PHACTR3: variants seen among roughly 807,000 people sequenced by gnomAD.
PHACTR3 encodes the protein protein phosphatase 1, regulatory subunit 123.
PHACTR3 carries 16 observed loss-of-function variants against 66.8 expected under a neutral mutation model. The observed-to-expected ratio is 0.24, with a 90% CI of 0.16 to 0.36. The LOEUF (loss-of-function observed/expected upper bound fraction) is 0.36. Ranked by LOEUF, PHACTR3 falls within the 10% of genes least tolerant of loss-of-function variation. The pLI, the probability that PHACTR3 is intolerant of heterozygous loss-of-function variation, is 1.00. For synonymous variants in PHACTR3, 323 were observed against 292.1 expected, an observed-to-expected ratio of 1.11 and a Z score of -1.08; for missense variants, 647 against 719.9, an observed-to-expected ratio of 0.90 and a Z score of 1.16.
chr20:59,836,254 C>A, intron 8 of PHACTR3: 1 of 466,632 alleles, frequency 2.1e-6, no homozygotes, highest in South Asian at 3.2e-5. Context: ...AAAATGAAGA[C>A]CTGCACATGT....
intron 1 of PHACTR3, among the ~76,000 whole-genome samples, chr20:59,724,636 A>G (rs558994685): frequency 2.0e-5 from 3 of 152,236 alleles, no homozygotes; most frequent in Non-Finnish European, 4.4e-5. Context: ...CCGTCACCCA[A>G]TGCTGTGTGA....
intron 1 of PHACTR3, among the ~76,000 whole-genome samples, chr20:59,678,929 C>T (rs2036546777): frequency 7.2e-6 from 1 of 138,964 alleles, no homozygotes; most frequent in Non-Finnish European, 1.5e-5. Context: ...TGCAGCCCCA[C>T]TGGCAGAGTT....
At chr20:59,756,516 C>A (rs1272236489) in intron 4 of PHACTR3, among the ~76,000 whole-genome samples, 1 of 152,160 alleles carries the variant, frequency 6.6e-6, no homozygotes, top group Non-Finnish European at 1.5e-5. Flanking sequence ...CATGCTCAGC[C>A]CTCTTCGGGG....
chr20:59,709,228 A>G (rs1043242201), intron 1 of PHACTR3, among the ~76,000 whole-genome samples: 2 of 152,216 alleles, frequency 1.3e-5, no homozygotes, highest in African/African-American at 4.8e-5. Flanking sequence ...ATCTGCCAAA[A>G]CACACCTACA....
rs554422915 is a variant in PHACTR3 at position 59,751,658 on chromosome 20, G to T, written c.359-3524G>T. On this transcript the variant is annotated intron_variant, in intron 3 of 12. Transcript: ENST00000371015. ...GGTGTTACTTTATGATCGATGGTCT[G>T]TTTTATGAACCACTGTGACCCCCTC... 1.1e-3 allele frequency among the ~76,000 whole-genome samples: 166 copies of T among 152,194 alleles called. 1 individual carries two copies. The highest frequency in any genetic ancestry group is 1.9e-3 in the South Asian group (9 of 4,818).
intron 1 of PHACTR3, among the ~76,000 whole-genome samples, chr20:59,632,561 A>G (rs776610961): frequency 6.6e-6 from 1 of 152,150 alleles, no homozygotes; most frequent in Admixed American, 6.5e-5. Context: ...AGCAAAGACA[A>G]TTTTGAAGGT....
chr20:59,635,105 T>TTCTTTCTCTC (rs2034804889), intron 1 of PHACTR3, among the ~76,000 whole-genome samples: 2 of 52,912 alleles, frequency 3.8e-5, no homozygotes, highest in African/African-American at 1.4e-4. Context: ...TTCTCTCTCT[T>TTCTTTCTCTC]TCTTTCTTTC....
intron 7 of PHACTR3, among the ~76,000 whole-genome samples, chr20:59,782,980 C>T (rs2040777384): frequency 6.6e-6 from 1 of 152,140 alleles, no homozygotes; most frequent in Admixed American, 6.5e-5. Flanking sequence ...GATCCTTTCC[C>T]CAGTAGACAT....
At chr20:59,844,156 A>T (rs1568880272) in intron 11 of PHACTR3, 1 of 152,120 alleles carries the variant, frequency 6.6e-6, no homozygotes, top group Non-Finnish European at 1.5e-5. Context: ...AGTTATTAAA[A>T]AAATAAAAAC....
chr20:59,615,035 C>A (rs2033983084), intron 1 of PHACTR3, among the ~76,000 whole-genome samples: 1 of 152,116 alleles, frequency 6.6e-6, no homozygotes. Flanking sequence ...ATCTGCCTGG[C>A]CCCTACCCCA....
chr20:59,780,390 A>C (rs2040683760), intron 7 of PHACTR3, among the ~76,000 whole-genome samples: 1 of 152,196 alleles, frequency 6.6e-6, no homozygotes, highest in Admixed American at 6.5e-5. Flanking sequence ...ACAGTTCCAG[A>C]GACAGGGAAG....
At chr20:59,637,886 C>T (rs1376699854) in intron 1 of PHACTR3, among the ~76,000 whole-genome samples, 1 of 152,168 alleles carries the variant, frequency 6.6e-6, no homozygotes, top group Admixed American at 6.5e-5. Context: ...ATCTGCCAAG[C>T]ACATAGTTCT....
intron 12 of PHACTR3, 59 bp from the exon 13 acceptor site, chr20:59,847,056 C>T: frequency 1.7e-6 from 2 of 1,208,788 alleles, no homozygotes; most frequent in Non-Finnish European, 2.4e-6. Flanking sequence ...AGGTTTTTGG[C>T]TATTTTAACT....
intron 1 of PHACTR3, among the ~76,000 whole-genome samples, chr20:59,639,838 T>C (rs998327330): frequency 6.6e-6 from 1 of 152,218 alleles, no homozygotes; most frequent in Non-Finnish European, 1.5e-5. Context: ...TTGGAAGAGA[T>C]GTACTGTGCT....
intron 1 of PHACTR3, among the ~76,000 whole-genome samples, chr20:59,638,484 G>T (rs141528982): frequency 2.7e-5 from 4 of 146,762 alleles, no homozygotes; most frequent in African/African-American, 7.5e-5. Flanking sequence ...ATGGATGGAT[G>T]GATGGATGGA....
intron 1 of PHACTR3, among the ~76,000 whole-genome samples, chr20:59,627,799 A>T (rs6070874): frequency 3.0e-4 from 45 of 152,128 alleles, no homozygotes; most frequent in Middle Eastern, 6.8e-3. Flanking sequence ...CAATATATCT[A>T]TCATCTATAA....
At chr20:59,650,331 A>G (rs1300577423) in intron 1 of PHACTR3, among the ~76,000 whole-genome samples, 4 of 152,204 alleles carry the variant, frequency 2.6e-5, no homozygotes, top group Non-Finnish European at 5.9e-5. Flanking sequence ...AGGTATAAGA[A>G]TAAATATATG....
intron 1 of PHACTR3, among the ~76,000 whole-genome samples, chr20:59,687,955 G>T (rs766742980): frequency 1.3e-5 from 2 of 152,148 alleles, no homozygotes; most frequent in African/African-American, 2.4e-5. Flanking sequence ...GTTGTAGTTT[G>T]TGGCTCATGT....
intron 1 of PHACTR3, among the ~76,000 whole-genome samples, chr20:59,646,018 G>T (rs1000574583): frequency 1.3e-5 from 2 of 152,190 alleles, no homozygotes; most frequent in South Asian, 4.1e-4. Context: ...AGGTGGCAAG[G>T]GTTGTAAGCT....
Sources: gnomAD v4.1 joint callset for allele counts (sites outside exome capture counted in the v4.1 genomes callset) on GRCh38, gnomAD v4.1.1 for gene constraint, MANE v1.5 for transcripts, NCBI Gene and HGNC (gene_info 2026-07-23, HGNC 2026-07-21) for gene names.